Variants in CSMD1 observed in about 807,000 individuals in gnomAD.
The protein encoded by CSMD1 is CUB and Sushi multiple domains 1.
Under a neutral mutation model 417.5 loss-of-function variants are expected in CSMD1, and 213 were observed. That is an observed-to-expected ratio of 0.51 (90% CI 0.46 to 0.57). CSMD1 has a LOEUF of 0.57. Ranked by LOEUF, CSMD1 falls within the 20% of genes least tolerant of loss-of-function variation. The pLI is 0.00. For missense variants in CSMD1, 6,923 were observed against 4,529.7 expected, an observed-to-expected ratio of 1.53 and a Z score of -15.17; for synonymous variants, 2,862 against 1,736.8, an observed-to-expected ratio of 1.65 and a Z score of -16.11.
chr8:4,385,251 G>C (rs191556135), intron 3 of CSMD1, among the ~76,000 whole-genome samples: 1 of 152,140 alleles, frequency 6.6e-6, no homozygotes, highest in East Asian at 1.9e-4. Flanking sequence ...TCTTAAATAG[G>C]TGTTTGATGT....
chr8:3,403,398 G>A (rs1161537), intron 15 of CSMD1, among the ~76,000 whole-genome samples: 126,001 of 152,166 alleles, frequency 0.83, 52,483 homozygotes, highest in South Asian at 0.87. Context: ...TGTTCCATCG[G>A]AGCGTCCCCT....
At chr8:4,702,159 G>A (rs1469032148) in intron 1 of CSMD1, among the ~76,000 whole-genome samples, 1 of 152,162 alleles carries the variant, frequency 6.6e-6, no homozygotes, top group Non-Finnish European at 1.5e-5. Context: ...AATGAATGCT[G>A]GGCTTAATAC....
At position 4,032,006 on chromosome 8, in the gene CSMD1, C is replaced by T; in HGVS notation, c.509G>A (p.Ser170Asn). The change falls in exon 4 of 70, where the codon AGC (serine) becomes AAC (asparagine). Residue 170 changes from serine (S) to asparagine (N), a missense_variant. By Grantham distance (46) the Ser-to-Asn change is conservative. Coordinates refer to ENST00000635120, the MANE Select transcript of CSMD1 (RefSeq NM_033225.6). ...TTCCAAGATGTAGCCAGGGAGGCAGCTGTACCGGATTTTGTCTCCTATGTT... is the reference window on the plus strand; with the variant it reads ...TTCCAAGATGTAGCCAGGGAGGCAGTTGTACCGGATTTTGTCTCCTATGTT... Reference protein sequence around the residue: ...RFNIGDKIRYSCLPGYILEGH... With the variant: ...RFNIGDKIRYNCLPGYILEGH... 6.2e-7 allele frequency: 1 copy of T among 1,613,910 alleles called. No homozygotes were observed. The highest frequency in any genetic ancestry group is 8.5e-7 in the Non-Finnish European group (1 of 1,179,840).
intron 6 of CSMD1, among the ~76,000 whole-genome samples, chr8:3,734,053 G>T (rs1425880621): frequency 1.5e-5 from 2 of 131,290 alleles, no homozygotes; most frequent in Non-Finnish European, 3.5e-5. Flanking sequence ...AATGCAAGCT[G>T]TTTAAAAATA....
intron 1 of CSMD1, among the ~76,000 whole-genome samples, chr8:4,749,974 A>G (rs903274262): frequency 2.0e-5 from 3 of 152,022 alleles, no homozygotes; most frequent in Non-Finnish European, 4.4e-5. Context: ...TGCCTGTTTA[A>G]TAAAACCCTT....
chr8:4,945,016 G>C (rs962410395), intron 1 of CSMD1, among the ~76,000 whole-genome samples: 1 of 152,164 alleles, frequency 6.6e-6, no homozygotes, highest in African/African-American at 2.4e-5. Context: ...TCCCTTGGCA[G>C]ATGAATGGAT....
chr8:3,508,642 C>G (rs1370829561), intron 10 of CSMD1, among the ~76,000 whole-genome samples: 4 of 152,186 alleles, frequency 2.6e-5, no homozygotes, highest in South Asian at 4.1e-4. Flanking sequence ...TATTCAATCA[C>G]TCCTTCAGTC....
chr8:3,485,548 G>GAGAC (rs1817979624), intron 11 of CSMD1, among the ~76,000 whole-genome samples: 2 of 124,254 alleles, frequency 1.6e-5, no homozygotes, highest in African/African-American at 6.1e-5. Flanking sequence ...CAGAGAGAGA[G>GAGAC]AGAGAGAGAG....
At chr8:4,336,943 C>T (rs764174454) in intron 3 of CSMD1, among the ~76,000 whole-genome samples, 6 of 152,022 alleles carry the variant, frequency 3.9e-5, no homozygotes, top group Non-Finnish European at 8.8e-5. Flanking sequence ...CTGTAGGCTA[C>T]AATGTTGAAA....
intron 6 of CSMD1, among the ~76,000 whole-genome samples, chr8:3,714,705 C>A (rs1455084843): frequency 6.6e-6 from 1 of 152,034 alleles, no homozygotes; most frequent in Non-Finnish European, 1.5e-5. Context: ...CCACTGTACT[C>A]CAGCCTGGGC....
intron 33 of CSMD1, among the ~76,000 whole-genome samples, chr8:3,194,684 G>A (rs924340016): frequency 8.6e-5 from 13 of 150,772 alleles, no homozygotes; most frequent in Non-Finnish European, 1.8e-4. Context: ...TAGCCACGCT[G>A]GTCTCAAACT....
intron 1 of CSMD1, among the ~76,000 whole-genome samples, chr8:4,962,345 G>A (rs550940160): frequency 1.3e-5 from 2 of 152,120 alleles, no homozygotes; most frequent in East Asian, 1.9e-4. Context: ...CAATTAGCTA[G>A]GACTACAGGT....
chr8:3,378,308 T>A (rs1187360002), intron 18 of CSMD1, among the ~76,000 whole-genome samples: 1 of 151,958 alleles, frequency 6.6e-6, no homozygotes, highest in Non-Finnish European at 1.5e-5. Flanking sequence ...ACAGTCGAAT[T>A]CTCCCAGAAG....
At position 3,188,905 on chromosome 8, in the gene CSMD1, C is replaced by A; in HGVS notation, c.5505G>T (p.Thr1835=). ...NLNCIWKIIV[T]EGSGIQIQVI... ...GACTCACCTGAATTCCCGAGCCCTC[C>A]GTAACTATGATCTTCCATATACAGT... Residue 1835 remains threonine, a synonymous_variant, in exon 35 of 70, where the codon ACG becomes ACT. Transcript: ENST00000635120. The A allele has an allele frequency of 3.2e-6, 5 of 1,584,648 alleles. No homozygotes were observed. Among genetic ancestry groups the A allele is most frequent in the Non-Finnish European group, 4.3e-6 (5 of 1,165,072 alleles).
intron 10 of CSMD1, among the ~76,000 whole-genome samples, chr8:3,511,878 G>A (rs1272632843): frequency 1.3e-5 from 2 of 148,474 alleles, no homozygotes; most frequent in East Asian, 3.9e-4. Context: ...TATCGCCACA[G>A]AATTTGCGTT....
chr8:4,598,667 C>T (rs1328748964), intron 2 of CSMD1, among the ~76,000 whole-genome samples: 1 of 152,124 alleles, frequency 6.6e-6, no homozygotes, highest in East Asian at 1.9e-4. Flanking sequence ...ACCTAATTTC[C>T]TCTGAAATAT....
intron 23 of CSMD1, among the ~76,000 whole-genome samples, chr8:3,313,217 T>C (rs925725056): frequency 1.8e-4 from 28 of 152,234 alleles, no homozygotes; most frequent in Non-Finnish European, 3.8e-4. Context: ...GGGCAAAGAC[T>C]TCATGTCTAA....
chr8:4,868,665 G>C (rs1802555951), intron 1 of CSMD1, among the ~76,000 whole-genome samples: 1 of 151,766 alleles, frequency 6.6e-6, no homozygotes, highest in Non-Finnish European at 1.5e-5. Flanking sequence ...TATTACCTAA[G>C]AATAAAAACA....
chr8:4,622,693 C>T (rs1182864367), intron 2 of CSMD1, among the ~76,000 whole-genome samples: 1 of 152,086 alleles, frequency 6.6e-6, no homozygotes, highest in East Asian at 1.9e-4. Flanking sequence ...ATGATGATGA[C>T]AGAATTCATT....
Sources: allele counts gnomAD v4.1 joint callset (sites outside exome capture counted in the v4.1 genomes callset), GRCh38; gene constraint gnomAD v4.1.1; transcripts MANE v1.5; gene names NCBI Gene and HGNC (gene_info 2026-07-23, HGNC 2026-07-21).